CMIP: variants seen among roughly 807,000 people sequenced by gnomAD.
The protein encoded by CMIP is C-Maf-inducing protein.
Under a neutral mutation model 97.3 loss-of-function variants are expected in CMIP, and 13 were observed. The observed-to-expected ratio is 0.13, with a 90% CI of 0.09 to 0.21. The LOEUF (loss-of-function observed/expected upper bound fraction) is 0.21. Ranked by LOEUF, CMIP falls within the 10% of genes least tolerant of loss-of-function variation. The pLI is 1.00. For synonymous variants in CMIP, 538 were observed against 436.3 expected (o/e 1.23, Z -2.91); for missense variants, 847 against 1,024.9 (o/e 0.83, Z 2.37).
chr16:81,489,965 G>A (rs1184411344), intron 1 of CMIP, among the ~76,000 whole-genome samples: 2 of 152,192 alleles, frequency 1.3e-5, no homozygotes, highest in Admixed American at 1.3e-4. Flanking sequence ...TCCGGCCACC[G>A]GGATTCTTGA....
chr16:81,579,899 T>C (rs1003983869), intron 1 of CMIP, among the ~76,000 whole-genome samples: 3 of 152,030 alleles, frequency 2.0e-5, no homozygotes, highest in Non-Finnish European at 4.4e-5. Context: ...GAGCTTGCAG[T>C]GAGCCGAGAT....
At chr16:81,694,164 C>G (rs888260758) in intron 13 of CMIP, among the ~76,000 whole-genome samples, 1 of 152,180 alleles carries the variant, frequency 6.6e-6, no homozygotes, top group Admixed American at 6.5e-5. Context: ...CAGTGTTGCG[C>G]GGCTGGTCCA....
rs1335452608 is a variant in CMIP, at chr16:81,693,442, A to G, written c.1485A>G (p.Glu495=). ...CCGGCCGCCTCGTCTCTTCCAGGGA[A>G]CTGAAGTACGTGATTCAGAGGTTCG... ...EALAHEKFTK[E]LKYVIQRFAE... Residue 495 remains glutamate (E), a synonymous_variant, in exon 13 of 21, where the codon GAA becomes GAG. Coordinates refer to ENST00000537098, the MANE Select transcript of CMIP (RefSeq NM_198390.3). The G allele has an allele frequency of 1.9e-6, 3 of 1,612,180 alleles. No individual in the cohort carries two copies. The highest frequency in any genetic ancestry group is 4.5e-5 in the East Asian group (2 of 44,862).
rs2092468427 is a variant in CMIP, at chr16:81,655,139, C to T, written c.640-2636C>T. Among the ~76,000 whole-genome samples, 1 of 152,188 alleles carries T rather than the reference C, an allele frequency of 6.6e-6. No individual in the cohort carries two copies. Among genetic ancestry groups the T allele is most frequent in the Non-Finnish European group, 1.5e-5 (1 of 68,040 alleles). On this transcript the variant is annotated intron_variant, in intron 4 of 20. Coordinates refer to ENST00000537098, the MANE Select transcript of CMIP (RefSeq NM_198390.3). This position sits in a 1 kb window ranked among gnomAD's most constrained non-coding sequence, Gnocchi z 4.9. ...TCATAGGAGATGTCTGTGGTCTGAA[C>T]CCCGTAAGCACCTTCAGCCAGGGGT...
At chr16:81,640,298 C>CG in intron 3 of CMIP, among the ~76,000 whole-genome samples, 1 of 149,936 alleles carries the variant, frequency 6.7e-6, no homozygotes, top group African/African-American at 2.5e-5. Context: ...CCCCCCCCCC[C>CG]CAATTCCCCA....
At chr16:81,536,647 G>A (rs945532119) in intron 1 of CMIP, among the ~76,000 whole-genome samples, 1 of 152,116 alleles carries the variant, frequency 6.6e-6, no homozygotes, top group Non-Finnish European at 1.5e-5. Context: ...TGATGAAGTG[G>A]GTAGAACTTA....
At chr16:81,514,393 C>T (rs1228861104) in intron 1 of CMIP, among the ~76,000 whole-genome samples, 3 of 152,144 alleles carry the variant, frequency 2.0e-5, no homozygotes, top group African/African-American at 7.2e-5. Flanking sequence ...ACCTTAGGAA[C>T]GAGGCTAACT....
At chr16:81,708,668 A>C (rs1270500119) in intron 20 of CMIP, among the ~76,000 whole-genome samples, 1 of 152,162 alleles carries the variant, frequency 6.6e-6, no homozygotes, top group South Asian at 2.1e-4. Context: ...GCCACGCCCC[A>C]CTGTTCACTG....
At chr16:81,594,967 C>T (rs1375318644) in intron 1 of CMIP, among the ~76,000 whole-genome samples, 1 of 151,622 alleles carries the variant, frequency 6.6e-6, no homozygotes, top group East Asian at 1.9e-4. Context: ...AATTAGATAC[C>T]ATAAGAGATT....
intron 1 of CMIP, chr16:81,518,000 C>T (rs749465520): frequency 3.6e-5 from 24 of 665,906 alleles, no homozygotes; most frequent in Non-Finnish European, 4.5e-5. Context: ...TGACGGGGGT[C>T]CCTTTGCACT....
At chr16:81,500,614 G>A (rs2089591737) in intron 1 of CMIP, among the ~76,000 whole-genome samples, 1 of 151,340 alleles carries the variant, frequency 6.6e-6, no homozygotes, top group African/African-American at 2.4e-5. Flanking sequence ...TCAGCCTCCT[G>A]AGTAGCTGGG....
Position 81,701,693 on chromosome 16 carries a change from G to A in CMIP, c.1789G>A (p.Asp597Asn), listed in dbSNP as rs1343627875. 11 of 1,613,766 alleles carry A rather than the reference G, an allele frequency of 6.8e-6. No individual in the cohort carries two copies. The highest frequency in any genetic ancestry group is 9.3e-6 in the Non-Finnish European group (11 of 1,179,890). The change falls in exon 16 of 21, where the codon GAC (aspartate) becomes AAC (asparagine). Residue 597 changes from aspartate to asparagine, a missense_variant. Coordinates refer to ENST00000537098, the MANE Select transcript of CMIP (RefSeq NM_198390.3). Reference protein sequence around the residue: ...LCLMLEYNIIDNNDTQLQIIS... With the variant: ...LCLMLEYNIINNNDTQLQIIS... ...CTTGATGCTGGAATACAACATCATC[G>A]ACAACAACGACACCCAACTGCAGAT...
chr16:81,580,565 C>T (rs73598410), intron 1 of CMIP, among the ~76,000 whole-genome samples: 12,108 of 151,668 alleles, frequency 0.08, 1,069 homozygotes, highest in African/African-American at 0.22. Context: ...TCCCAAGTAG[C>T]TGGGACTATA....
chr16:81,556,405 A>G (rs55850095), intron 1 of CMIP, among the ~76,000 whole-genome samples: 7,390 of 152,304 alleles, frequency 0.049, 240 homozygotes, highest in Non-Finnish European at 0.074. Context: ...AGCTAGGAGT[A>G]AAATTGATGG....
At chr16:81,471,977 G>A (rs1479090329) in intron 1 of CMIP, among the ~76,000 whole-genome samples, 2 of 152,188 alleles carry the variant, frequency 1.3e-5, no homozygotes, top group Non-Finnish European at 2.9e-5. Flanking sequence ...CACTGACACT[G>A]CAGAAAGTGA....
In CMIP at chr16:81,696,565, C is replaced by T; in HGVS notation, c.1536C>T (p.His512=). The part of the protein sequence containing the change: ...RFAEDPRQEV[H]SCLLSVRAGK... ...TGTCTTCCCTTGTCTGGCAGGTCCA[C>T]TCATGCCTGCTGAGCGTGCGGGCCG... The change falls in exon 14 of 21, where the codon CAC becomes CAT. Residue 512 remains histidine, a synonymous_variant. Coordinates refer to ENST00000537098, the MANE Select transcript of CMIP (RefSeq NM_198390.3). The T allele has an allele frequency of 6.2e-7, 1 of 1,604,228 alleles. No homozygotes were observed. The highest frequency in any genetic ancestry group is 8.5e-7 in the Non-Finnish European group (1 of 1,179,640).
At chr16:81,548,999 C>T (rs970959653) in intron 1 of CMIP, among the ~76,000 whole-genome samples, 2 of 152,244 alleles carry the variant, frequency 1.3e-5, no homozygotes, top group African/African-American at 4.8e-5. Flanking sequence ...ACCATTGGTG[C>T]TGAGGTTTGA....
At position 81,445,283 on chromosome 16, in the gene CMIP, G is replaced by C; in HGVS notation, c.42G>C (p.Arg14=). 5 of 1,549,258 alleles carry C rather than the reference G, an allele frequency of 3.2e-6. No homozygotes were observed. The highest frequency in any genetic ancestry group is 4.4e-6 in the Non-Finnish European group (5 of 1,149,272). ...GCTCGGGCGGCGGCGGCGACCCCCG[G>C]CAGATCGAGGAGACCAAGCCGCTGC... The part of the protein sequence containing the change: ...TSSSGGGGDP[R]QIEETKPLLG... Residue 14 remains arginine, a synonymous_variant, in exon 1 of 21, where the codon CGG becomes CGC. Coordinates refer to ENST00000537098, the MANE Select transcript of CMIP (RefSeq NM_198390.3).
chr16:81,447,296 G>A (rs1192336078), intron 1 of CMIP, among the ~76,000 whole-genome samples: 3 of 151,678 alleles, frequency 2.0e-5, no homozygotes. Flanking sequence ...GGTGGGGTAG[G>A]AAAATGGTTA....
Sources: allele counts gnomAD v4.1 joint callset (sites outside exome capture counted in the v4.1 genomes callset), GRCh38; gene constraint gnomAD v4.1.1; non-coding constraint Gnocchi (gnomAD v3.1); transcripts MANE v1.5; gene names NCBI Gene and HGNC (gene_info 2026-07-23, HGNC 2026-07-21).